Variants in COL22A1 observed in about 807,000 individuals in gnomAD.
COL22A1 encodes collagen alpha-1(XXII) chain.
COL22A1 carries 221 observed loss-of-function variants against 248.9 expected under a neutral mutation model. That is an observed-to-expected ratio of 0.89 (90% CI 0.80 to 0.99). The LOEUF is 0.99. Ranked by LOEUF, COL22A1 falls within the 50% of genes least tolerant of loss-of-function variation. COL22A1 has a pLI of 0.00. For synonymous variants in COL22A1, 891 were observed against 793.4 expected (o/e 1.12, Z -2.07); for missense variants, 2,240 against 2,179.0 (o/e 1.03, Z -0.56).
intron 16 of COL22A1, among the ~76,000 whole-genome samples, chr8:138,762,862 C>A (rs565098307): frequency 6.6e-5 from 10 of 152,304 alleles, no homozygotes; most frequent in African/African-American, 1.9e-4. Flanking sequence ...CCCGTAAACA[C>A]GTGTGAACAT....
At chr8:138,739,345 G>C (rs957801057) in intron 22 of COL22A1, among the ~76,000 whole-genome samples, 2 of 152,070 alleles carry the variant, frequency 1.3e-5, no homozygotes, top group African/African-American at 4.8e-5. Context: ...CTTCTGCCTG[G>C]GTTTGTTCCC....
At chr8:138,676,999 T>C (rs138362154) in intron 40 of COL22A1, among the ~76,000 whole-genome samples, 28 of 152,290 alleles carry the variant, frequency 1.8e-4, no homozygotes, top group African/African-American at 6.5e-4. Flanking sequence ...GATTTGCGCA[T>C]GCACCCACAT....
intron 52 of COL22A1, among the ~76,000 whole-genome samples, chr8:138,620,976 T>TCCATCCATCCAC (rs1819745366): frequency 8.4e-6 from 1 of 119,412 alleles, no homozygotes; most frequent in Non-Finnish European, 1.9e-5. Flanking sequence ...CATCCATCCA[T>TCCATCCATCCAC]CCATCCATCC....
intron 1 of COL22A1, 52 bp from the exon 2 acceptor site, chr8:138,883,296 A>G (rs1586959825): frequency 1.0e-6 from 1 of 994,410 alleles, no homozygotes; most frequent in Non-Finnish European, 1.5e-6. Flanking sequence ...AAAGTCTGTG[A>G]GAGGCAAACT....
At chr8:138,597,185 T>C (rs1817614941) in intron 61 of COL22A1, among the ~76,000 whole-genome samples, 1 of 152,208 alleles carries the variant, frequency 6.6e-6, no homozygotes, top group African/African-American at 2.4e-5. Flanking sequence ...ACCCGGACTC[T>C]GGGCTCTCTG....
chr8:138,850,409 G>C (rs1307607257), intron 3 of COL22A1, among the ~76,000 whole-genome samples: 1 of 152,220 alleles, frequency 6.6e-6, no homozygotes, highest in Non-Finnish European at 1.5e-5. Flanking sequence ...CCCTGGACCT[G>C]CTGACAGCTG....
At position 138,910,139 on chromosome 8, in the gene COL22A1, A is replaced by G. The variant is rs540179440; in HGVS notation, c.-73+3480T>C. Reference sequence around the variant, plus strand: ...AAGAAAGCTGAGGAATGGTCATGTCATATGATTCATTCATTCAATTATTCA... The same window carrying G: ...AAGAAAGCTGAGGAATGGTCATGTCGTATGATTCATTCATTCAATTATTCA... On this transcript the variant is annotated intron_variant, in intron 1 of 64. Transcript: ENST00000303045. Among the ~76,000 whole-genome samples the G allele has an allele frequency of 2.0e-5, 3 of 152,352 alleles. No homozygotes were observed. In the South Asian group the frequency reaches 6.2e-4, roughly 32 times the overall value.
At chr8:138,809,814 A>T (rs150686191) in intron 9 of COL22A1, among the ~76,000 whole-genome samples, 11 of 152,210 alleles carry the variant, frequency 7.2e-5, no homozygotes, top group African/African-American at 2.6e-4. Flanking sequence ...CCTCCCTCTC[A>T]TCTATCCATC....
chr8:138,782,504 C>A (rs948746987), intron 12 of COL22A1, among the ~76,000 whole-genome samples: 10 of 152,148 alleles, frequency 6.6e-5, no homozygotes, highest in Non-Finnish European at 1.3e-4. Context: ...GGAGTAATTC[C>A]AAGTCTAGGC....
intron 11 of COL22A1, among the ~76,000 whole-genome samples, chr8:138,798,425 C>CA (rs1563776236): frequency 6.6e-6 from 1 of 151,754 alleles, no homozygotes; most frequent in East Asian, 1.9e-4. Flanking sequence ...ATATTTTTAA[C>CA]TGTATATTTT....
At chr8:138,840,431 C>G (rs1586865400) in intron 4 of COL22A1, among the ~76,000 whole-genome samples, 1 of 151,936 alleles carries the variant, frequency 6.6e-6, no homozygotes, top group Admixed American at 6.6e-5. Context: ...CAGGAGGGCC[C>G]ATAATAGAGG....
intron 30 of COL22A1, among the ~76,000 whole-genome samples, chr8:138,708,391 A>G (rs1275017969): frequency 6.6e-6 from 1 of 152,216 alleles, no homozygotes; most frequent in Non-Finnish European, 1.5e-5. Flanking sequence ...AAACTATACT[A>G]AAAGGCTACA....
At chr8:138,806,456 G>C (rs1417381135) in intron 10 of COL22A1, among the ~76,000 whole-genome samples, 1 of 151,930 alleles carries the variant, frequency 6.6e-6, no homozygotes, top group Non-Finnish European at 1.5e-5. Context: ...AGAGAAAAGA[G>C]AAAGAGAAAA....
intron 37 of COL22A1, among the ~76,000 whole-genome samples, chr8:138,688,673 A>T (rs1826563005): frequency 1.3e-5 from 2 of 152,122 alleles, no homozygotes; most frequent in Admixed American, 6.5e-5. Flanking sequence ...CACAGAGCAA[A>T]CTAATTAACT....
At chr8:138,624,213 C>T (rs1214304380) in intron 51 of COL22A1, among the ~76,000 whole-genome samples, 1 of 152,092 alleles carries the variant, frequency 6.6e-6, no homozygotes, top group African/African-American at 2.4e-5. Context: ...CAGGAAGGTA[C>T]TCAGCATGGT....
At chr8:138,862,555 G>GT (rs11481489) in intron 3 of COL22A1, among the ~76,000 whole-genome samples, 141,275 of 152,202 alleles carry the variant, frequency 0.93, 65,618 homozygotes, top group East Asian at 0.98. Context: ...CCCTCCCACT[G>GT]TGTTTATGTC....
chr8:138,692,245 G>A, intron 35 of COL22A1, among the ~76,000 whole-genome samples: 1 of 16,172 alleles, frequency 6.2e-5, no homozygotes, highest in Non-Finnish European at 1.8e-4. Context: ...CATGTTTGTG[G>A]ACGTATGTGT....
intron 3 of COL22A1, among the ~76,000 whole-genome samples, chr8:138,844,604 C>T (rs1821102448): frequency 6.6e-6 from 1 of 152,152 alleles, no homozygotes; most frequent in South Asian, 2.1e-4. Flanking sequence ...AAGATTTAGC[C>T]TGATAGACAA....
Position 138,613,933 on chromosome 8 carries a change from C to A in COL22A1, c.3925-13G>T, listed in dbSNP as rs7000261. 3 of 1,599,398 alleles carry A rather than the reference C, an allele frequency of 1.9e-6. No individual in the cohort carries two copies. The East Asian group carries it at 6.7e-5, about 36-fold the overall frequency. On this transcript the variant is annotated splice_polypyrimidine_tract_variant and intron_variant, in intron 55 of 64. Transcript: ENST00000303045. ...GTCCAGTGTCACCCTGGAACAAAGA[C>A]AGAGAGATGGTGTCATCATCAAGTC...
Sources: allele counts gnomAD v4.1 joint callset (sites outside exome capture counted in the v4.1 genomes callset), GRCh38; gene constraint gnomAD v4.1.1; transcripts MANE v1.5; gene names NCBI Gene and HGNC (gene_info 2026-07-23, HGNC 2026-07-21).